The following MED12L variants were observed in gnomAD, a reference collection of about 807,000 sequenced individuals.
MED12L encodes mediator complex subunit 12L.
MED12L carries 60 observed loss-of-function variants against 281.3 expected under a neutral mutation model. The ratio of observed to expected loss-of-function variants is 0.21; its 90% confidence interval spans 0.17 to 0.26. The LOEUF (loss-of-function observed/expected upper bound fraction) is 0.26, where lower values mean the gene tolerates loss of function less well. Among genes scored for constraint, MED12L ranks in the 10% least tolerant of loss-of-function variants. MED12L has a pLI of 1.00. For missense variants in MED12L, 2,146 were observed against 2,680.9 expected, an observed-to-expected ratio of 0.80 and a Z score of 4.41; for synonymous variants, 974 against 987.2, an observed-to-expected ratio of 0.99 and a Z score of 0.25.
At chr3:151,152,391 C>T (rs996537849) in intron 5 of MED12L, among the ~76,000 whole-genome samples, 5 of 152,118 alleles carry the variant, frequency 3.3e-5, no homozygotes, top group African/African-American at 7.2e-5. Flanking sequence ...TGTGAGCCAC[C>T]GCCTGGCCCA....
Position 151,433,316 on chromosome 3 carries a change from G to A in MED12L, c.*512G>A, listed in dbSNP as rs1719740639. ...GGTGAAACGGACATTTATTTGCATCGCTCTAATTTGAAATGTTTGTAATCT... is the reference window on the plus strand; with the variant it reads ...GGTGAAACGGACATTTATTTGCATCACTCTAATTTGAAATGTTTGTAATCT... On this transcript the variant is annotated 3_prime_UTR_variant, in exon 45 of 45. Coordinates refer to ENST00000687756, the MANE Select transcript of MED12L (RefSeq NM_001393769.1). 1 of 152,700 alleles carries A rather than the reference G, an allele frequency of 6.5e-6. No individual in the cohort carries two copies. The highest frequency in any genetic ancestry group is 1.5e-5 in the Non-Finnish European group (1 of 68,210). The allele number at this position is 152,700 out of a possible 1,614,324, so 9.5% of individuals were successfully genotyped here.
At chr3:151,288,392 G>C (rs1046486818) in intron 16 of MED12L, among the ~76,000 whole-genome samples, 1 of 152,136 alleles carries the variant, frequency 6.6e-6, no homozygotes, top group Non-Finnish European at 1.5e-5. Context: ...ATTTTTCCAA[G>C]TATATAGCTA....
At chr3:151,359,600 G>C (rs1393545599) in intron 20 of MED12L, among the ~76,000 whole-genome samples, 2 of 152,156 alleles carry the variant, frequency 1.3e-5, no homozygotes, top group African/African-American at 4.8e-5. Context: ...GCTTCTGCTA[G>C]AACTAGCTCT....
intron 16 of MED12L, among the ~76,000 whole-genome samples, chr3:151,193,968 T>TTC (rs1724307946): frequency 6.7e-6 from 1 of 148,190 alleles, no homozygotes; most frequent in African/African-American, 2.5e-5. Flanking sequence ...TTCTTTTCTT[T>TTC]TTTTTTTTTT....
intron 6 of MED12L, 129 bp from the exon 7 acceptor site, chr3:151,158,560 T>C (rs554472115): frequency 2.1e-5 from 12 of 585,046 alleles, no homozygotes; most frequent in African/African-American, 1.9e-4. Flanking sequence ...ATTTGGACTG[T>C]GAGCAATGAG....
intron 5 of MED12L, among the ~76,000 whole-genome samples, chr3:151,137,751 G>T (rs1385982232): frequency 1.3e-5 from 2 of 151,930 alleles, no homozygotes; most frequent in Non-Finnish European, 2.9e-5. Flanking sequence ...GCTTCATCTT[G>T]CTACAAACAT....
At chr3:151,329,670 T>G (rs1750131210) in intron 16 of MED12L, 5 of 521,520 alleles carry the variant, frequency 9.6e-6, no homozygotes, top group South Asian at 3.1e-5. Flanking sequence ...ATACTCTATT[T>G]TAGTTCAAAC....
chr3:151,288,625 T>A (rs1049006914), intron 16 of MED12L, among the ~76,000 whole-genome samples: 48 of 152,242 alleles, frequency 3.2e-4, no homozygotes, highest in Non-Finnish European at 7.3e-5. Context: ...CATGTTCCAT[T>A]ACATGTCATT....
At chr3:151,242,951 G>A (rs1348225340) in intron 16 of MED12L, among the ~76,000 whole-genome samples, 3 of 151,392 alleles carry the variant, frequency 2.0e-5, no homozygotes, top group African/African-American at 7.3e-5. Context: ...ACCAAGGCTC[G>A]AGAACTACGT....
At chr3:151,311,983 A>C (rs1577304388) in intron 16 of MED12L, among the ~76,000 whole-genome samples, 1 of 152,220 alleles carries the variant, frequency 6.6e-6, no homozygotes, top group East Asian at 1.9e-4. Flanking sequence ...CAGAGGTTGC[A>C]GTGAGCCAAG....
intron 16 of MED12L, among the ~76,000 whole-genome samples, chr3:151,299,421 C>T (rs71306549): frequency 1.4e-4 from 13 of 94,542 alleles, no homozygotes; most frequent in Admixed American, 2.3e-4. Context: ...CCCTCCCCTC[C>T]CCCTCCTCTC....
intron 16 of MED12L, chr3:151,299,959 A>T (rs1262731287): frequency 2.6e-6 from 2 of 779,888 alleles, no homozygotes; most frequent in Non-Finnish European, 4.7e-6. Context: ...ATGCTGGTTT[A>T]TTTTGTTAGT....
intron 16 of MED12L, among the ~76,000 whole-genome samples, chr3:151,248,268 A>G (rs761344809): frequency 3.9e-5 from 6 of 152,018 alleles, no homozygotes; most frequent in Non-Finnish European, 7.4e-5. Context: ...TTTAATTCCT[A>G]TTTCTTTCCT....
In MED12L at chr3:151,360,598, C is replaced by T; in HGVS notation, c.2950C>T (p.Leu984Phe). The change falls in exon 21 of 45, where the codon CTC becomes TTC. Residue 984 changes from leucine (L) to phenylalanine (F), a missense_variant. Physicochemically the swap from Leu to Phe is conservative, Grantham distance 22. This residue lies in a region of MED12L where 404 missense variants were observed against 603.5 expected (regional missense o/e 0.67). Coordinates refer to ENST00000687756, the MANE Select transcript of MED12L (RefSeq NM_001393769.1). ...CSHLRSKFGD[L>F]FSSACSKVKQ... is the part of the protein sequence containing the mutation. ...CCACCTCAGAAGTAAATTTGGAGAC[C>T]TCTTCAGGTGAGTAGAAGAGACTCA... is the stretch of plus-strand genomic sequence containing the variant. 2 of 1,612,044 alleles carry T rather than the reference C, an allele frequency of 1.2e-6. No homozygotes were observed. The highest frequency in any genetic ancestry group is 1.3e-5 in the African/African-American group (1 of 74,914).
At chr3:151,368,064 TC>T (rs1755508921) in intron 24 of MED12L, 85 bp from the exon 25 acceptor site, 2 of 1,085,380 alleles carry the variant, frequency 1.8e-6, no homozygotes, top group Non-Finnish European at 2.7e-6. Context: ...AAATAATTAT[TC>T]CAGGAAATTT....
intron 4 of MED12L, among the ~76,000 whole-genome samples, chr3:151,125,230 T>A (rs1354383149): frequency 6.6e-6 from 1 of 152,240 alleles, no homozygotes; most frequent in Non-Finnish European, 1.5e-5. Context: ...ACTGTAGATT[T>A]GACAAAATTA....
chr3:151,204,005 G>A (rs999088457), intron 16 of MED12L, among the ~76,000 whole-genome samples: 1 of 152,182 alleles, frequency 6.6e-6, no homozygotes, highest in South Asian at 2.1e-4. Flanking sequence ...AAGTTGTTTG[G>A]TTAAATGTTC....
chr3:151,159,983 G>T lies in MED12L; in HGVS notation c.989G>T (p.Gly330Val). The change falls in exon 8 of 45, where the codon GGG (glycine) becomes GTG (valine). Residue 330 changes from glycine to valine, a missense_variant. Gly to Val is a moderately radical substitution (Grantham distance 109). This residue lies in a region of MED12L where 722 missense variants were observed against 861.2 expected (regional missense o/e 0.84). Coordinates refer to ENST00000687756, the MANE Select transcript of MED12L (RefSeq NM_001393769.1). ...ATAGGACCAAACAACTCGAGTATCGGGGCCCCCAGCCCTGGCCCCCCCGGC... is the reference window on the plus strand; with the variant it reads ...ATAGGACCAAACAACTCGAGTATCGTGGCCCCCAGCCCTGGCCCCCCCGGC... ...MMIGPNNSSIGAPSPGPPGPG... is the reference protein window; with the variant it reads ...MMIGPNNSSIVAPSPGPPGPG... 2 of 1,614,156 alleles carry T rather than the reference G, an allele frequency of 1.2e-6. No individual in the cohort carries two copies. Among genetic ancestry groups the T allele is most frequent in the Non-Finnish European group, 1.7e-6 (2 of 1,180,026 alleles).
At chr3:151,184,609 T>C (rs1046375482) in intron 11 of MED12L, among the ~76,000 whole-genome samples, 4 of 152,184 alleles carry the variant, frequency 2.6e-5, no homozygotes, top group Non-Finnish European at 5.9e-5. Flanking sequence ...ACTCATGTCA[T>C]TTGGGTCCCC....
Sources: allele counts gnomAD v4.1 joint callset (sites outside exome capture counted in the v4.1 genomes callset), GRCh38; gene constraint gnomAD v4.1.1; regional missense constraint gnomAD v4.1.1; transcripts MANE v1.5; gene names NCBI Gene and HGNC (gene_info 2026-07-23, HGNC 2026-07-21).